The following ZC3H12B variants were observed in gnomAD, a reference collection of about 807,000 sequenced individuals.
The protein encoded by ZC3H12B is probable ribonuclease ZC3H12B.
In ZC3H12B, 7 loss-of-function variants were observed where a neutral mutation model predicts 43.9. That is an observed-to-expected ratio of 0.16 (90% confidence interval 0.09 to 0.30). The LOEUF is 0.30. ZC3H12B is among the 10% of genes least tolerant of loss of function. The pLI is 1.00. For missense variants in ZC3H12B, 475 were observed against 670.2 expected (o/e 0.71, Z 3.22); for synonymous variants, 222 against 241.7 (o/e 0.92, Z 0.76).
chrX:65,052,059 G>A, the ZC3H12B span, among the ~76,000 whole-genome samples: 5 of 111,035 alleles, frequency 4.5e-5, no homozygotes, highest in African/African-American at 1.3e-4. Context: ...TACATGACTC[G>A]GCAGCTGTAA....
At chrX:65,052,923 A>G in the ZC3H12B span, among the ~76,000 whole-genome samples, 1 of 111,774 alleles carries the variant, frequency 8.9e-6, no homozygotes, top group African/African-American at 3.3e-5. Flanking sequence ...ACTTTTCTCT[A>G]CATCCTCACC....
intron 2 of ZC3H12B, among the ~76,000 whole-genome samples, chrX:65,390,794 A>T (rs768400756): frequency 8.9e-6 from 1 of 112,019 alleles, no homozygotes; most frequent in South Asian, 3.8e-4. Flanking sequence ...CAGCACATGG[A>T]TCATTCTCAA....
chrX:65,174,461 A>T, the ZC3H12B span, among the ~76,000 whole-genome samples: 1 of 111,992 alleles, frequency 8.9e-6, no homozygotes, highest in African/African-American at 3.2e-5. Flanking sequence ...GTTTAAGTCC[A>T]CTGAAGCTGC....
chrX:65,365,614 T>G (rs1022595621), upstream of ZC3H12B, among the ~76,000 whole-genome samples: 1 of 111,056 alleles, frequency 9.0e-6, no homozygotes, highest in Non-Finnish European at 1.9e-5. Context: ...ACCCCAACAC[T>G]TCACCACTAT....
chrX:65,075,709 C>T, the ZC3H12B span, among the ~76,000 whole-genome samples: 11 of 111,782 alleles, frequency 9.8e-5, no homozygotes, highest in East Asian at 2.8e-4. Flanking sequence ...TGCCCTTGTT[C>T]TCAGTAGCCT....
the ZC3H12B span, among the ~76,000 whole-genome samples, chrX:65,262,452 G>T: frequency 9.0e-6 from 1 of 111,069 alleles, no homozygotes; most frequent in Non-Finnish European, 1.9e-5. Context: ...TTCTGAGCCT[G>T]CAATGTTTGA....
the ZC3H12B span, among the ~76,000 whole-genome samples, chrX:65,105,369 A>G: frequency 4.5e-5 from 5 of 111,360 alleles, no homozygotes; most frequent in Non-Finnish European, 7.5e-5. Flanking sequence ...ATGTAAATCT[A>G]TGTAACCAAC....
At chrX:65,406,484 CAG>C (rs1195640475) in intron 3 of ZC3H12B, among the ~76,000 whole-genome samples, 11 of 102,948 alleles carry the variant, frequency 1.1e-4, no homozygotes, top group Admixed American at 9.3e-4. Context: ...TCTCATAAAA[CAG>C]GGGATAGAAA....
chrX:65,082,513 G>T, the ZC3H12B span, among the ~76,000 whole-genome samples: 1 of 111,200 alleles, frequency 9.0e-6, no homozygotes. Context: ...GAAAATTTAG[G>T]AGAAATGGAC....
chrX:65,450,878 CATATGTGTATATATGTATATATAT>C (rs1569413339), intron 3 of ZC3H12B, among the ~76,000 whole-genome samples: 203 of 81,828 alleles, frequency 2.5e-3, no homozygotes, highest in Non-Finnish European at 4.2e-3. Flanking sequence ...TATATATATA[CATATGTGTATATATGTATATATAT>C]ACATATATAC....
At chrX:65,138,825 T>G in the ZC3H12B span, among the ~76,000 whole-genome samples, 1 of 112,189 alleles carries the variant, frequency 8.9e-6, no homozygotes, top group Admixed American at 9.4e-5. Flanking sequence ...TTAATTTGCC[T>G]TTCCTGACAA....
At chrX:65,329,036 T>G in the ZC3H12B span, among the ~76,000 whole-genome samples, 4 of 111,050 alleles carry the variant, frequency 3.6e-5, no homozygotes. Flanking sequence ...TATAGCAGCA[T>G]GATTTATAAT....
chrX:65,161,087 A>G, the ZC3H12B span, among the ~76,000 whole-genome samples: 1 of 110,771 alleles, frequency 9.0e-6, no homozygotes, highest in Non-Finnish European at 1.9e-5. Context: ...GAGTTTCTTA[A>G]TCCTGAGTTC....
the ZC3H12B span, among the ~76,000 whole-genome samples, chrX:65,177,662 A>G: frequency 8.9e-6 from 1 of 112,014 alleles, no homozygotes; most frequent in African/African-American, 3.2e-5. Context: ...TCATGAGTGA[A>G]TGCCAATCAC....
the ZC3H12B span, among the ~76,000 whole-genome samples, chrX:65,129,374 T>G: frequency 3.9e-3 from 423 of 108,810 alleles, 1 homozygote; most frequent in Middle Eastern, 0.034. Flanking sequence ...TTCACCTGGG[T>G]GCAGGTGGGC....
At chrX:65,160,795 TCTG>T in the ZC3H12B span, among the ~76,000 whole-genome samples, 1 of 111,678 alleles carries the variant, frequency 9.0e-6, no homozygotes, top group Non-Finnish European at 1.9e-5. Context: ...TTTCTTGCCT[TCTG>T]CTAGCTTTTG....
At chrX:65,312,854 A>G in the ZC3H12B span, among the ~76,000 whole-genome samples, 4 of 110,970 alleles carry the variant, frequency 3.6e-5, no homozygotes, top group African/African-American at 1.3e-4. Context: ...TACATTGCTT[A>G]TTGGTTTTTT....
At chrX:65,246,319 A>T in the ZC3H12B span, among the ~76,000 whole-genome samples, 2 of 112,462 alleles carry the variant, frequency 1.8e-5, no homozygotes, top group Middle Eastern at 4.2e-3. Flanking sequence ...CAATATTATT[A>T]AAATGGCTAT....
At chrX:65,116,535 T>G in the ZC3H12B span, among the ~76,000 whole-genome samples, 1 of 110,988 alleles carries the variant, frequency 9.0e-6, no homozygotes, top group African/African-American at 3.3e-5. Flanking sequence ...ATGCACGCTC[T>G]TTTCTGGTTC....
Sources: gnomAD v4.1 joint callset for allele counts (sites outside exome capture counted in the v4.1 genomes callset) on GRCh38, gnomAD v4.1.1 for gene constraint, MANE v1.5 for transcripts, NCBI Gene and HGNC (gene_info 2026-07-23, HGNC 2026-07-21) for gene names.